ASPM: variants seen among roughly 807,000 people sequenced by gnomAD.
ASPM encodes assembly factor for spindle microtubules.
In ASPM, 256 loss-of-function variants were observed where a neutral mutation model predicts 366.4. The ratio of observed to expected loss-of-function variants is 0.70; its 90% CI spans 0.63 to 0.77. The LOEUF (loss-of-function observed/expected upper bound fraction) is 0.77. Among genes scored for constraint, ASPM ranks in the 30% least tolerant of loss-of-function variants. The probability of loss-of-function intolerance (pLI) is 0.00; values close to 1 mark genes in which losing one functional copy is unlikely to be tolerated. For synonymous variants in ASPM, 1,414 were observed against 1,342.9 expected, an observed-to-expected ratio of 1.05 and a Z score of -1.16; for missense variants, 4,146 against 4,090.4, an observed-to-expected ratio of 1.01 and a Z score of -0.37.
intron 10 of ASPM, among the ~76,000 whole-genome samples, 165 bp downstream of exon 10, chr1:197,128,325 T>C (rs574643801): frequency 6.8e-6 from 1 of 146,912 alleles, no homozygotes; most frequent in African/African-American, 2.5e-5. Context: ...GGACATAACA[T>C]TGATGTACCA....
chr1:197,122,547 G>A lies in ASPM; in HGVS notation c.3439C>T (p.Leu1147=). The A allele has an allele frequency of 6.2e-7, 1 of 1,612,928 alleles. No homozygotes were observed. The highest frequency in any genetic ancestry group is 1.3e-5 in the African/African-American group (1 of 74,990). ...TAGCAAGGATGGTAATGGTGGATCA[G>A]GTAACATAACACACGGCCGTCTGAG... ...SFSDGRVLCY[L]IHHYHPCYVP... The change falls in exon 14 of 28, where the codon CTG becomes TTG. Residue 1147 remains leucine, a synonymous_variant. Transcript: ENST00000367409.
At chr1:197,118,989 T>G (rs965791423) in intron 16 of ASPM, among the ~76,000 whole-genome samples, 2 of 152,210 alleles carry the variant, frequency 1.3e-5, no homozygotes, top group Non-Finnish European at 2.9e-5. Flanking sequence ...GGGTAGGCTC[T>G]ACACAGAGAT....
At chr1:197,097,932 T>G (rs998184784) in intron 18 of ASPM, among the ~76,000 whole-genome samples, 9 of 151,176 alleles carry the variant, frequency 6.0e-5, no homozygotes, top group African/African-American at 2.2e-4. Context: ...TGAGACCCAT[T>G]AAAACAAAGT....
chr1:197,113,908 C>G (rs929640915), intron 17 of ASPM, among the ~76,000 whole-genome samples: 1 of 152,138 alleles, frequency 6.6e-6, no homozygotes, highest in Admixed American at 6.5e-5. Flanking sequence ...TACACAATCA[C>G]CAGAATGGCT....
intron 18 of ASPM, 89 bp from the exon 19 acceptor site, chr1:197,096,253 A>C (rs1656972701): frequency 8.4e-7 from 1 of 1,188,370 alleles, no homozygotes; most frequent in East Asian, 2.3e-5. Flanking sequence ...CAGTTAAAAT[A>C]AGGTTAGTGC....
In ASPM at chr1:197,101,804, C is replaced by T; in HGVS notation, c.7447G>A (p.Ala2483Thr). ...AAAGTAGCCTGAATGAGAACTGCAG[C>T]CCTTTGCATTTCTTGTAACTTCTTC... is the stretch of plus-strand genomic sequence containing the variant. ...VKKKLQEMQR[A>T]AVLIQATFRM... Residue 2483 changes from alanine (A) to threonine (T), a missense_variant, in exon 18 of 28, where the codon GCT becomes ACT. By Grantham distance (58) the Ala-to-Thr change is moderately conservative. Transcript: ENST00000367409. The T allele has an allele frequency of 6.2e-7, 1 of 1,612,832 alleles. No individual in the cohort carries two copies. The highest frequency in any genetic ancestry group is 8.5e-7 in the Non-Finnish European group (1 of 1,179,338).
chr1:197,100,887 T>C lies in ASPM; in HGVS notation c.8364A>G (p.Gln2788=), dbSNP rs763412788. 3 of 1,612,702 alleles carry C rather than the reference T, an allele frequency of 1.9e-6. No individual in the cohort carries two copies. Among genetic ancestry groups the C allele is most frequent in the Admixed American group, 3.3e-5 (2 of 59,800 alleles). ...ACTCTTGAATCATAACACCTTCACT[T>C]TGAACAGCTTCATACTGAGTTTTAC... The part of the protein sequence containing the change: ...YRSKTQYEAV[Q]SEGVMIQEWY... The change falls in exon 18 of 28, where the codon CAA becomes CAG. Residue 2788 remains glutamine (Q), a synonymous_variant. Coordinates refer to ENST00000367409, the MANE Select transcript of ASPM (RefSeq NM_018136.5).
At position 197,142,749 on chromosome 1, in the gene ASPM, C is replaced by T. The variant is rs1170106973; in HGVS notation, c.1503G>A (p.Lys501=). 1.2e-6 allele frequency: 2 copies of T among 1,613,878 alleles called. No individual in the cohort carries two copies. The highest frequency in any genetic ancestry group is 2.2e-5 in the South Asian group (2 of 91,068). ...TTTGGTTTTCTCTGGTACAGGTGGC[C>T]TTCCTTTTAGTAACAGTGGCAGAAA... ...PILSATVTKR[K]ATCTRENQTE... The change falls in exon 3 of 28, where the codon AAG becomes AAA. Residue 501 remains lysine, a synonymous_variant. Coordinates refer to ENST00000367409, the MANE Select transcript of ASPM (RefSeq NM_018136.5).
In ASPM at chr1:197,146,168, A is replaced by T; in HGVS notation, c.270T>A (p.Ser90Arg). The T allele has an allele frequency of 6.2e-7, 1 of 1,614,012 alleles. No individual in the cohort carries two copies. Among genetic ancestry groups the T allele is most frequent in the Non-Finnish European group, 8.5e-7 (1 of 1,179,992 alleles). ...SHFPAADLGF[S>R]VSQRCFVLQP... ...GCAACACGAAACAGCGCTGCGACACACTGAAGCCCAGGTCCGCGGCCGGGA... is the reference window on the plus strand; with the variant it reads ...GCAACACGAAACAGCGCTGCGACACTCTGAAGCCCAGGTCCGCGGCCGGGA... The change falls in exon 1 of 28, where the codon AGT becomes AGA. Residue 90 changes from serine (S) to arginine (R), a missense_variant. Coordinates refer to ENST00000367409, the MANE Select transcript of ASPM (RefSeq NM_018136.5).
In ASPM at chr1:197,129,283, T is replaced by G; in HGVS notation, c.2664A>C (p.Lys888Asn). The change falls in exon 9 of 28, where the codon AAA becomes AAC. Residue 888 changes from lysine (K) to asparagine (N), a missense_variant. By Grantham distance (94) the Lys-to-Asn change is moderately conservative. Around this residue, in one of 3 missense-constraint regions of ASPM, gnomAD observed 3,624 missense variants for 3,591.7 expected, o/e 1.01. Transcript: ENST00000367409. ...HEEALSKFTLKKLLLLVCFLD... is the reference protein window; with the variant it reads ...HEEALSKFTLNKLLLLVCFLD... ...GAAAACAGACCAACAACAATAACTTTTTCAATGTAAACTTGGACAAAGCTT... is the reference window on the plus strand; with the variant it reads ...GAAAACAGACCAACAACAATAACTTGTTCAATGTAAACTTGGACAAAGCTT... The G allele has an allele frequency of 6.2e-7, 1 of 1,613,088 alleles. No individual in the cohort carries two copies. The highest frequency in any genetic ancestry group is 8.5e-7 in the Non-Finnish European group (1 of 1,179,318).
intron 19 of ASPM, among the ~76,000 whole-genome samples, chr1:197,094,423 T>C (rs927082307): frequency 6.6e-6 from 1 of 151,774 alleles, no homozygotes; most frequent in African/African-American, 2.4e-5. Context: ...AGTTCTACGA[T>C]TCTAATATGG....
At chr1:197,092,170 AT>A in intron 21 of ASPM, 114 bp from the exon 22 acceptor site, 2 of 950,122 alleles carry the variant, frequency 2.1e-6, no homozygotes, top group South Asian at 2.9e-5. Flanking sequence ...GAATAAACTA[AT>A]TTTTAATCAT....
chr1:197,101,219 C>T lies in ASPM; in HGVS notation c.8032G>A (p.Gly2678Ser). 6.2e-7 allele frequency: 1 copy of T among 1,612,248 alleles called. No individual in the cohort carries two copies. The highest frequency in any genetic ancestry group is 8.5e-7 in the Non-Finnish European group (1 of 1,179,018). The change falls in exon 18 of 28, where the codon GGC (glycine) becomes AGC (serine). Residue 2678 changes from glycine (G) to serine (S), a missense_variant. This residue lies in a region of ASPM where 3,624 missense variants were observed against 3,591.7 expected (regional missense o/e 1.01). Coordinates refer to ENST00000367409, the MANE Select transcript of ASPM (RefSeq NM_018136.5). ...TGAATATCCTTTCGTACTTTAAAGC[C>T]TCTGTAATAAGACTGTATACAAATA... ...AVICIQSYYR[G>S]FKVRKDIQNM...
At chr1:197,091,170 G>C (rs1477435010) in intron 22 of ASPM, 129 bp from the exon 23 acceptor site, 2 of 861,076 alleles carry the variant, frequency 2.3e-6, no homozygotes, top group African/African-American at 3.4e-5. Context: ...GCTTTCCACA[G>C]AGGCATTACT....
At chr1:197,126,864 C>T (rs913118764) in intron 10 of ASPM, among the ~76,000 whole-genome samples, 2 of 152,150 alleles carry the variant, frequency 1.3e-5, no homozygotes, top group Admixed American at 6.5e-5. Context: ...TCTGGCCAAG[C>T]GGTCCTCTGA....
chr1:197,127,867 A>T (rs1029483222), intron 10 of ASPM, among the ~76,000 whole-genome samples: 1 of 152,172 alleles, frequency 6.6e-6, no homozygotes, highest in African/African-American at 2.4e-5. Flanking sequence ...ACCACTGTCA[A>T]TAAAAAGTGT....
chr1:197,102,974 A>G lies in ASPM; in HGVS notation c.6277T>C (p.Leu2093=). Residue 2093 remains leucine (L), a synonymous_variant, in exon 18 of 28, where the codon TTG becomes CTG. Transcript: ENST00000367409. ...TNHQHKEYLN[L]KKTAIKIQSV... is the part of the protein sequence containing the mutation. Reference sequence around the variant, plus strand: ...TGGATTTTAATTGCTGTCTTCTTCAAATTAAGATACTCCTTATGCTGATGG... The same window carrying G: ...TGGATTTTAATTGCTGTCTTCTTCAGATTAAGATACTCCTTATGCTGATGG... The G allele has an allele frequency of 6.2e-7, 1 of 1,612,476 alleles. No individual in the cohort carries two copies. Among genetic ancestry groups the G allele is most frequent in the South Asian group, 1.1e-5 (1 of 91,046 alleles).
intron 5 of ASPM, among the ~76,000 whole-genome samples, chr1:197,134,839 C>T (rs1658368584): frequency 3.3e-5 from 5 of 152,116 alleles, no homozygotes; most frequent in Admixed American, 2.0e-4. Flanking sequence ...AGTGGGCAGG[C>T]CACACGGGAC....
intron 10 of ASPM, among the ~76,000 whole-genome samples, chr1:197,127,348 T>TG (rs1426583532): frequency 2.6e-5 from 4 of 152,190 alleles, no homozygotes; most frequent in African/African-American, 7.2e-5. Flanking sequence ...CTAAAGAGTT[T>TG]GTTAAGTTTT....
Sources: gnomAD v4.1 joint callset for allele counts (sites outside exome capture counted in the v4.1 genomes callset) on GRCh38, gnomAD v4.1.1 for gene constraint, gnomAD v4.1.1 regional missense constraint, MANE v1.5 for transcripts, NCBI Gene and HGNC (gene_info 2026-07-23, HGNC 2026-07-21) for gene names.